CSMD1: variants seen among roughly 807,000 people sequenced by gnomAD.
CSMD1 encodes the protein CUB and Sushi multiple domains 1.
In CSMD1, 213 loss-of-function variants were observed where a neutral mutation model predicts 417.5. The ratio of observed to expected loss-of-function variants is 0.51; its 90% CI spans 0.46 to 0.57. The LOEUF (loss-of-function observed/expected upper bound fraction) is 0.57, where lower values mean the gene tolerates loss of function less well. Among genes scored for constraint, CSMD1 ranks in the 20% least tolerant of loss-of-function variants. The pLI, the probability that CSMD1 is intolerant of heterozygous loss-of-function variation, is 0.00. For synonymous variants in CSMD1, 2,862 were observed against 1,736.8 expected (o/e 1.65, Z -16.11); for missense variants, 6,923 against 4,529.7 (o/e 1.53, Z -15.17).
intron 7 of CSMD1, among the ~76,000 whole-genome samples, chr8:3,675,619 A>G (rs1799332773): frequency 6.6e-6 from 1 of 152,122 alleles, no homozygotes; most frequent in Non-Finnish European, 1.5e-5. Flanking sequence ...GCACCCTTAT[A>G]AGGAAAGGAG....
intron 1 of CSMD1, among the ~76,000 whole-genome samples, chr8:4,650,890 A>C (rs1259725655): frequency 3.3e-5 from 5 of 152,222 alleles, no homozygotes; most frequent in Non-Finnish European, 7.3e-5. Flanking sequence ...AGAAGTGTTG[A>C]TCTATTTAGC....
intron 18 of CSMD1, among the ~76,000 whole-genome samples, chr8:3,378,651 A>G (rs569914540): frequency 3.9e-5 from 6 of 152,302 alleles, no homozygotes; most frequent in Non-Finnish European, 8.8e-5. Flanking sequence ...CAAAAACCAC[A>G]TGATTATCTC....
chr8:3,505,167 G>A (rs570174651), intron 10 of CSMD1, among the ~76,000 whole-genome samples: 2 of 152,214 alleles, frequency 1.3e-5, no homozygotes, highest in South Asian at 2.1e-4. Context: ...ATGAAAGAGG[G>A]TAGAGTAAGT....
At chr8:3,842,355 A>T (rs868158807) in intron 5 of CSMD1, among the ~76,000 whole-genome samples, 6 of 152,294 alleles carry the variant, frequency 3.9e-5, no homozygotes, top group Admixed American at 6.5e-5. Context: ...TACCCATATC[A>T]ATACCACTAA....
intron 2 of CSMD1, among the ~76,000 whole-genome samples, chr8:4,487,074 A>AT (rs1345070006): frequency 8.6e-5 from 13 of 151,914 alleles, no homozygotes; most frequent in African/African-American, 2.4e-4. Context: ...AAGTTGGAGA[A>AT]TTTTTTTTCT....
intron 1 of CSMD1, among the ~76,000 whole-genome samples, chr8:4,937,578 C>A (rs1484521855): frequency 3.3e-5 from 5 of 152,136 alleles, no homozygotes; most frequent in Admixed American, 6.5e-5. Flanking sequence ...TGACAAAGAA[C>A]AAAGATAGGA....
chr8:4,037,105 A>G (rs1179079303), intron 3 of CSMD1, among the ~76,000 whole-genome samples: 1 of 152,128 alleles, frequency 6.6e-6, no homozygotes, highest in Non-Finnish European at 1.5e-5. Context: ...AATTGGATAA[A>G]TTATTTTACT....
intron 26 of CSMD1, among the ~76,000 whole-genome samples, chr8:3,234,595 C>A (rs746029857): frequency 6.6e-6 from 1 of 152,164 alleles, no homozygotes; most frequent in South Asian, 2.1e-4. Context: ...TTCCCACTTT[C>A]CTCCCATCAG....
chr8:3,045,485 T>G (rs1052130263), intron 50 of CSMD1, among the ~76,000 whole-genome samples: 2 of 152,218 alleles, frequency 1.3e-5, no homozygotes, highest in African/African-American at 4.8e-5. Flanking sequence ...CATTTACCTG[T>G]GAACTGCAAG....
At chr8:3,111,704 C>T (rs565049848) in intron 42 of CSMD1, among the ~76,000 whole-genome samples, 32 of 152,124 alleles carry the variant, frequency 2.1e-4, no homozygotes, top group African/African-American at 6.5e-4. Context: ...TGGTGGTGCA[C>T]GCCTGTAATC....
chr8:3,008,121 T>A (rs1216276364), intron 52 of CSMD1, among the ~76,000 whole-genome samples: 1 of 151,506 alleles, frequency 6.6e-6, no homozygotes, highest in Non-Finnish European at 1.5e-5. Flanking sequence ...ATGGATGGAG[T>A]ATTGAGTCCA....
At chr8:4,187,865 T>A (rs1476164320) in intron 3 of CSMD1, among the ~76,000 whole-genome samples, 1 of 152,096 alleles carries the variant, frequency 6.6e-6, no homozygotes, top group Non-Finnish European at 1.5e-5. Context: ...GTTTTATACT[T>A]TTATTCTCTC....
intron 3 of CSMD1, among the ~76,000 whole-genome samples, chr8:4,369,494 T>A (rs1308411809): frequency 6.6e-6 from 1 of 152,126 alleles, no homozygotes; most frequent in African/African-American, 2.4e-5. Context: ...TCAAAATATC[T>A]GTTAGTTTTC....
At chr8:3,622,908 C>A (rs1436995633) in intron 7 of CSMD1, among the ~76,000 whole-genome samples, 1 of 152,102 alleles carries the variant, frequency 6.6e-6, no homozygotes, top group Admixed American at 6.5e-5. Context: ...GAAACATTTT[C>A]AAAGAGAGGA....
intron 5 of CSMD1, among the ~76,000 whole-genome samples, chr8:3,838,945 A>C (rs1802908692): frequency 8.5e-6 from 1 of 117,310 alleles, no homozygotes; most frequent in Non-Finnish European, 1.6e-5. Context: ...TATAATAAAA[A>C]ATTAATATCT....
intron 1 of CSMD1, among the ~76,000 whole-genome samples, chr8:4,735,170 C>A (rs757183209): frequency 7.9e-5 from 12 of 152,178 alleles, no homozygotes; most frequent in Non-Finnish European, 1.2e-4. Context: ...TGCTCCCTCA[C>A]CAATGAGGAA....
At chr8:4,075,776 GT>G (rs1799789686) in intron 3 of CSMD1, among the ~76,000 whole-genome samples, 1 of 152,114 alleles carries the variant, frequency 6.6e-6, no homozygotes, top group African/African-American at 2.4e-5. Flanking sequence ...CCCTAGCCAG[GT>G]TTCTCAAGAG....
At chr8:4,196,367 C>T (rs576701835) in intron 3 of CSMD1, among the ~76,000 whole-genome samples, 2 of 152,152 alleles carry the variant, frequency 1.3e-5, no homozygotes, top group Admixed American at 1.3e-4. Flanking sequence ...ACTTTTAGTT[C>T]TGTAGGTCTG....
intron 10 of CSMD1, among the ~76,000 whole-genome samples, chr8:3,534,327 G>T (rs1163979260): frequency 2.0e-5 from 3 of 151,886 alleles, no homozygotes; most frequent in Non-Finnish European, 4.4e-5. Context: ...GCTCCTTGGA[G>T]ACCTGTTTTC....
Sources: gnomAD v4.1 joint callset for allele counts (sites outside exome capture counted in the v4.1 genomes callset) on GRCh38, gnomAD v4.1.1 for gene constraint, MANE v1.5 for transcripts, NCBI Gene and HGNC (gene_info 2026-07-23, HGNC 2026-07-21) for gene names.